NSMCE2: variants seen among roughly 807,000 people sequenced by gnomAD.
NSMCE2 encodes the protein NSE2 SUMO ligase component of SMC5/6 complex, also known as E3 SUMO-protein ligase NSE2.
Under a neutral mutation model 23.8 loss-of-function variants are expected in NSMCE2, and 24 were observed. The observed-to-expected ratio is 1.01, with a 90% confidence interval of 0.73 to 1.42. NSMCE2 has a LOEUF of 1.42. Among genes scored for constraint, NSMCE2 ranks in the 40% most tolerant of loss-of-function variants. NSMCE2 has a pLI of 0.00. For synonymous variants in NSMCE2, 92 were observed against 94.1 expected (o/e 0.98, Z 0.13); for missense variants, 284 against 296.5 (o/e 0.96, Z 0.31).
chr8:125,224,175 A>G (rs887306206), intron 5 of NSMCE2, among the ~76,000 whole-genome samples: 4 of 152,102 alleles, frequency 2.6e-5, no homozygotes, highest in Non-Finnish European at 5.9e-5. Flanking sequence ...TTTTCTTGCT[A>G]TTTAGTTGTT....
intron 5 of NSMCE2, chr8:125,351,402 C>T (rs1813028335): frequency 1.3e-5 from 2 of 151,944 alleles, no homozygotes; most frequent in Admixed American, 1.3e-4. Flanking sequence ...TTGCTCCATC[C>T]CTCATGGGTG....
intron 5 of NSMCE2, among the ~76,000 whole-genome samples, chr8:125,190,606 C>G (rs894790897): frequency 6.6e-6 from 1 of 152,160 alleles, no homozygotes; most frequent in African/African-American, 2.4e-5. Context: ...GGTCATTAAG[C>G]TGTCCAGGAG....
intron 5 of NSMCE2, among the ~76,000 whole-genome samples, chr8:125,310,595 C>CT (rs1004355950): frequency 3.1e-4 from 47 of 151,312 alleles, no homozygotes; most frequent in African/African-American, 7.5e-4. Context: ...TTTAAGCCCC[C>CT]TTTTTTTTTG....
At chr8:125,274,409 T>A (rs1179477541) in intron 5 of NSMCE2, among the ~76,000 whole-genome samples, 1 of 152,226 alleles carries the variant, frequency 6.6e-6, no homozygotes, top group Admixed American at 6.5e-5. Flanking sequence ...TAATTATTTT[T>A]AAAATAATAC....
Position 125,324,826 on chromosome 8 carries a change from G to C in NSMCE2, c.419-32393G>C, listed in dbSNP as rs1399798524. On this transcript the variant is annotated intron_variant, in intron 5 of 7. Coordinates refer to ENST00000287437, the MANE Select transcript of NSMCE2 (RefSeq NM_173685.4). Reference sequence around the variant, plus strand: ...CCTGACCTCGTGATCCGCCCGCCTCGGCCTCCCAAAGTGCTGGGATTACAG... The same window carrying C: ...CCTGACCTCGTGATCCGCCCGCCTCCGCCTCCCAAAGTGCTGGGATTACAG... Among the ~76,000 whole-genome samples the C allele has an allele frequency of 3.4e-5, 2 of 59,018 alleles. 1 individual carries two copies. The highest frequency in any genetic ancestry group is 1.1e-4 in the Non-Finnish European group (2 of 18,148). The allele number at this position is 59,018 out of a possible 152,430, so 38.7% of individuals were successfully genotyped here.
chr8:125,219,908 T>C (rs1286655104), intron 5 of NSMCE2, among the ~76,000 whole-genome samples: 1 of 152,210 alleles, frequency 6.6e-6, no homozygotes. Flanking sequence ...CAGAAAGCTC[T>C]TTTTCTTTCT....
intron 5 of NSMCE2, among the ~76,000 whole-genome samples, chr8:125,233,533 T>A (rs148981238): frequency 0.013 from 1,948 of 152,308 alleles, 36 homozygotes; most frequent in African/African-American, 0.045. Context: ...ATAAATTGAA[T>A]ATATAGTAAT....
chr8:125,335,752 AT>A, intron 5 of NSMCE2, among the ~76,000 whole-genome samples: 1 of 152,226 alleles, frequency 6.6e-6, no homozygotes, highest in Non-Finnish European at 1.5e-5. Flanking sequence ...GAGATGAAGA[AT>A]TTCCAAAGAA....
intron 3 of NSMCE2, among the ~76,000 whole-genome samples, chr8:125,108,449 G>A (rs189864166): frequency 6.6e-6 from 1 of 152,196 alleles, no homozygotes; most frequent in Admixed American, 6.5e-5. Context: ...TTAAGTGCAC[G>A]CTTGCTATTG....
At chr8:125,108,392 A>G (rs1280664565) in intron 3 of NSMCE2, among the ~76,000 whole-genome samples, 1 of 152,210 alleles carries the variant, frequency 6.6e-6, no homozygotes, top group Admixed American at 6.5e-5. Flanking sequence ...GTAACAGTAG[A>G]TGAAAGACTT....
Position 125,091,889 on chromosome 8 carries a change from T to A in NSMCE2, c.-180T>A, listed in dbSNP as rs1194568705. 6.6e-6 allele frequency: 1 copy of A among 152,290 alleles called. No homozygotes were observed. The highest frequency in any genetic ancestry group is 1.5e-5 in the Non-Finnish European group (1 of 68,184). The allele number at this position is 152,290 out of a possible 1,614,324, so 9.4% of individuals were successfully genotyped here. On this transcript the variant is annotated 5_prime_UTR_variant, in exon 1 of 8. Transcript: ENST00000287437. ...CTTTTCAGCGGCAGGCGAAGGGGGC[T>A]GAGGAAAGGAGGTGGGTCTAGGCAG...
At position 125,359,330 on chromosome 8, in the gene NSMCE2, C is replaced by CTTT. The variant is rs34421417; in HGVS notation, c.626+1530_626+1532dup. On this transcript the variant is annotated intron_variant, in intron 7 of 7. Transcript: ENST00000287437. ...AATGGCATGCTTTCTTGCTCTTTCT[C>CTTT]TTTTTTTTTTTTTTTTTTTTGAGAC... Among the ~76,000 whole-genome samples the CTTT allele has an allele frequency of 4.8e-3, 496 of 102,866 alleles. 10 individuals carry two copies. The highest frequency in any genetic ancestry group is 0.017 in the African/African-American group (454 of 27,490). The allele number at this position is 102,866 out of a possible 152,430, so 67.5% of individuals were successfully genotyped here.
At chr8:125,184,236 A>G (rs985300485) in intron 5 of NSMCE2, among the ~76,000 whole-genome samples, 2 of 152,220 alleles carry the variant, frequency 1.3e-5, no homozygotes, top group African/African-American at 4.8e-5. Context: ...CAAAGTTATT[A>G]TTCCACAAGG....
At chr8:125,295,503 A>T (rs1305436569) in intron 5 of NSMCE2, among the ~76,000 whole-genome samples, 1 of 152,108 alleles carries the variant, frequency 6.6e-6, no homozygotes, top group Non-Finnish European at 1.5e-5. Context: ...ATCCTTTCTG[A>T]CCCCCTGAGA....
At chr8:125,265,012 G>A (rs1479938187) in intron 5 of NSMCE2, among the ~76,000 whole-genome samples, 2 of 152,040 alleles carry the variant, frequency 1.3e-5, no homozygotes, top group Admixed American at 6.6e-5. Context: ...CAAAACTTAA[G>A]GGGATGCCAA....
intron 3 of NSMCE2, among the ~76,000 whole-genome samples, chr8:125,141,788 T>C (rs1473624693): frequency 2.0e-5 from 3 of 152,172 alleles, no homozygotes; most frequent in Non-Finnish European, 4.4e-5. Context: ...CAAGACACAG[T>C]TCAAGTTTGC....
chr8:125,157,957 A>G (rs1821411628), intron 4 of NSMCE2, among the ~76,000 whole-genome samples: 1 of 152,204 alleles, frequency 6.6e-6, no homozygotes, highest in Admixed American at 6.5e-5. Context: ...AATTTCCTTA[A>G]AGACTCCAAA....
chr8:125,156,377 T>G (rs1203736591), intron 4 of NSMCE2: 1 of 155,300 alleles, frequency 6.4e-6, no homozygotes, highest in Non-Finnish European at 1.4e-5. Flanking sequence ...TGTCTTCACT[T>G]TCCTCTAATA....
intron 5 of NSMCE2, among the ~76,000 whole-genome samples, chr8:125,324,615 C>T (rs1303428724): frequency 2.3e-5 from 1 of 42,796 alleles, no homozygotes; most frequent in Non-Finnish European, 7.2e-5. Context: ...GGCTCTGTTG[C>T]CCAGGCTGGA....
Sources: gnomAD v4.1 joint callset for allele counts (sites outside exome capture counted in the v4.1 genomes callset) on GRCh38, gnomAD v4.1.1 for gene constraint, MANE v1.5 for transcripts, NCBI Gene and HGNC (gene_info 2026-07-23, HGNC 2026-07-21) for gene names.